Variants in BAAT observed in about 807,000 individuals in gnomAD.
BAAT encodes the protein bile acid-CoA:amino acid N-acyltransferase.
A neutral mutation model predicts 18.9 loss-of-function variants in BAAT; 13 were observed. The ratio of observed to expected loss-of-function variants is 0.69; its 90% CI spans 0.45 to 1.10. The LOEUF is 1.10. Among genes scored for constraint, BAAT ranks in the 50% least tolerant of loss-of-function variants. BAAT has a pLI of 0.00. For missense variants in BAAT, 489 were observed against 504.0 expected (o/e 0.97, Z 0.28); for synonymous variants, 170 against 190.7 (o/e 0.89, Z 0.89).
chr9:101,371,647 TAAGCAAGCTGACA>T (rs1490425391), intron 1 of BAAT, among the ~76,000 whole-genome samples, 184 bp from the exon 2 acceptor site: 1 of 152,136 alleles, frequency 6.6e-6, no homozygotes, highest in Non-Finnish European at 1.5e-5. Context: ...CAGAAGACAG[TAAGCAAGCTGACA>T]AATTTTATAA....
chr9:101,383,433 G>A lies in BAAT; in HGVS notation c.-60+1422C>T, dbSNP rs1357954705. ...CAGAGATTTTAACTTATTTCCAATC[G>A]GCCCAAATAAATAGTCCTGATTAAA... On this transcript the variant is annotated intron_variant, in intron 1 of 3. Transcript: ENST00000259407. The A allele has an allele frequency of 3.9e-5, 6 of 151,990 alleles. No homozygotes were observed. The East Asian group carries it at 9.7e-4, about 24-fold the overall frequency. The allele number at this position is 151,990 out of a possible 1,614,324, so 9.4% of individuals were successfully genotyped here.
chr9:101,365,230 T>G (rs1310894740), intron 3 of BAAT, among the ~76,000 whole-genome samples: 1 of 152,200 alleles, frequency 6.6e-6, no homozygotes, highest in Admixed American at 6.5e-5. Flanking sequence ...AAACCTTTGT[T>G]GACTTCCTGT....
chr9:101,368,331 T>G lies in BAAT; in HGVS notation c.467-9A>C, dbSNP rs1461499994. 2 of 1,609,042 alleles carry G rather than the reference T, an allele frequency of 1.2e-6. No homozygotes were observed. Among genetic ancestry groups the G allele is most frequent in the Non-Finnish European group, 1.7e-6 (2 of 1,178,508 alleles). ...TGGGAAGAGACCCTCTCCTGAAAAA[T>G]AACAAAACAGAATTGTACATGAAGA... is the stretch of plus-strand genomic sequence containing the variant. On this transcript the variant is annotated splice_polypyrimidine_tract_variant and intron_variant, in intron 2 of 3. Transcript: ENST00000259407.
At chr9:101,380,617 G>GCATAATCT (rs1257692576) in intron 1 of BAAT, among the ~76,000 whole-genome samples, 2 of 152,108 alleles carry the variant, frequency 1.3e-5, no homozygotes, top group Non-Finnish European at 2.9e-5. Flanking sequence ...AAATCACATA[G>GCATAATCT]CATAATCTCT....
At chr9:101,380,790 G>C (rs1414836138) in intron 1 of BAAT, among the ~76,000 whole-genome samples, 1 of 152,124 alleles carries the variant, frequency 6.6e-6, no homozygotes, top group Non-Finnish European at 1.5e-5. Context: ...GTCTTGCTCT[G>C]TCGCCCAGGC....
chr9:101,381,019 A>G (rs925361595), intron 1 of BAAT, among the ~76,000 whole-genome samples: 1 of 151,758 alleles, frequency 6.6e-6, no homozygotes, highest in East Asian at 1.9e-4. Flanking sequence ...AGCCTCCCAA[A>G]GTGCTGGGAT....
chr9:101,366,682 A>T (rs2119019270), intron 3 of BAAT, among the ~76,000 whole-genome samples: 1 of 152,286 alleles, frequency 6.6e-6, no homozygotes, highest in African/African-American at 2.4e-5. Context: ...ATATTGACTG[A>T]CATTTCGAGG....
At chr9:101,372,801 C>A (rs1678198523) in intron 1 of BAAT, among the ~76,000 whole-genome samples, 1 of 151,714 alleles carries the variant, frequency 6.6e-6, no homozygotes. Flanking sequence ...AAAAATAAAC[C>A]CAACAGAAAA....
Position 101,369,556 on chromosome 9 carries a change from T to C in BAAT, c.467-1234A>G, listed in dbSNP as rs2119023602. Among the ~76,000 whole-genome samples the C allele has an allele frequency of 2.0e-5, 3 of 152,260 alleles. No individual in the cohort carries two copies. In the South Asian group the frequency reaches 6.2e-4, roughly 32 times the overall value. ...CAGCACATGCAGTGTTCAAGAGGAT[T>C]CACAAACAGCACACCCTAAACCAGC... On this transcript the variant is annotated intron_variant, in intron 2 of 3. Transcript: ENST00000259407.
intron 3 of BAAT, among the ~76,000 whole-genome samples, chr9:101,364,428 C>A (rs1180960746): frequency 2.0e-5 from 3 of 152,196 alleles, no homozygotes; most frequent in African/African-American, 7.2e-5. Flanking sequence ...TGATTGAAAA[C>A]TACACTGAGT....
chr9:101,371,616 T>A, intron 1 of BAAT, 153 bp from the exon 2 acceptor site: 1 of 601,354 alleles, frequency 1.7e-6, no homozygotes, highest in Non-Finnish European at 2.9e-6. Flanking sequence ...ACAAGACACC[T>A]GAGAGCTTTC....
intron 3 of BAAT, among the ~76,000 whole-genome samples, chr9:101,364,958 G>C (rs758528425): frequency 3.9e-5 from 6 of 152,162 alleles, no homozygotes; most frequent in Non-Finnish European, 8.8e-5. Flanking sequence ...AATGGAGGCA[G>C]AAAAGCCACA....
intron 3 of BAAT, among the ~76,000 whole-genome samples, chr9:101,363,925 C>T (rs1425282685): frequency 6.6e-6 from 1 of 152,138 alleles, no homozygotes; most frequent in East Asian, 1.9e-4. Flanking sequence ...GGAAGGATCA[C>T]TTGAGCCCAG....
chr9:101,373,391 C>T (rs1220347499), intron 1 of BAAT, among the ~76,000 whole-genome samples: 4 of 152,102 alleles, frequency 2.6e-5, no homozygotes, highest in Non-Finnish European at 4.4e-5. Context: ...CCAAAAATCC[C>T]TTATCACTAG....
At chr9:101,372,091 G>A (rs776715391) in intron 1 of BAAT, among the ~76,000 whole-genome samples, 1 of 152,070 alleles carries the variant, frequency 6.6e-6, no homozygotes, top group Non-Finnish European at 1.5e-5. Flanking sequence ...AATTATAAGT[G>A]GGAGCTAAAC....
At position 101,361,817 on chromosome 9, in the gene BAAT, C is replaced by T. The variant is rs41274981; in HGVS notation, c.*611G>A. ...TTCATAACTTAAACCAAGGCTCTTCCAGTCTTAGTTATTATGTCTCAGTTA... is the reference window on the plus strand; with the variant it reads ...TTCATAACTTAAACCAAGGCTCTTCTAGTCTTAGTTATTATGTCTCAGTTA... On this transcript the variant is annotated 3_prime_UTR_variant, in exon 4 of 4. Transcript: ENST00000259407. 23,459 of 152,602 alleles carry T rather than the reference C, an allele frequency of 0.15. 1,968 individuals carry two copies. The highest frequency in any genetic ancestry group is 0.2 in the African/African-American group (8,340 of 41,400). 9.5% of individuals were successfully genotyped at this position (152,602 alleles called of 1,614,324 possible).
chr9:101,363,644 G>GAA (rs78881889), intron 3 of BAAT, among the ~76,000 whole-genome samples: 4 of 145,522 alleles, frequency 2.7e-5, no homozygotes, highest in South Asian at 2.2e-4. Context: ...GACACAGGAG[G>GAA]AAAAAAAAAA....
intron 2 of BAAT, 115 bp downstream of exon 2, chr9:101,370,824 C>T: frequency 1.6e-6 from 2 of 1,223,180 alleles, no homozygotes; most frequent in East Asian, 2.4e-5. Context: ...GGTGGAAAAA[C>T]AATAATAACA....
chr9:101,380,644 C>A (rs539772946), intron 1 of BAAT, among the ~76,000 whole-genome samples: 2 of 152,294 alleles, frequency 1.3e-5, no homozygotes, highest in Admixed American at 1.3e-4. Context: ...TAATAGCAGC[C>A]ACAAGCTCCC....
Sources: allele counts gnomAD v4.1 joint callset (sites outside exome capture counted in the v4.1 genomes callset), GRCh38; gene constraint gnomAD v4.1.1; transcripts MANE v1.5; gene names NCBI Gene and HGNC (gene_info 2026-07-23, HGNC 2026-07-21).